DMD: variants seen among roughly 807,000 people sequenced by gnomAD.
The protein encoded by DMD is dystrophin.
A neutral mutation model predicts 330.1 loss-of-function variants in DMD; 63 were observed. That is an observed-to-expected ratio of 0.19 (90% CI 0.16 to 0.24). The LOEUF (loss-of-function observed/expected upper bound fraction) is 0.24. Ranked by LOEUF, DMD falls within the 10% of genes least tolerant of loss-of-function variation. The pLI, the probability that DMD is intolerant of heterozygous loss-of-function variation, is 1.00. For synonymous variants in DMD, 1,223 were observed against 959.8 expected (o/e 1.27, Z -5.07); for missense variants, 3,344 against 2,684.1 (o/e 1.25, Z -5.43).
At chrX:32,960,916 TAAA>T (rs59425093) in intron 2 of DMD, among the ~76,000 whole-genome samples, 5,321 of 68,617 alleles carry the variant, frequency 0.078, 338 homozygotes, top group African/African-American at 0.19. Flanking sequence ...GCACCATTTG[TAAA>T]AAAAAAAAAA....
intron 11 of DMD, among the ~76,000 whole-genome samples, chrX:32,626,429 A>G (rs1402388481): frequency 9.5e-6 from 1 of 105,201 alleles, no homozygotes; most frequent in African/African-American, 4.1e-5. Context: ...AGATCACACC[A>G]CTTCACTCCA....
intron 44 of DMD, among the ~76,000 whole-genome samples, chrX:32,053,994 C>T (rs1168706329): frequency 9.3e-6 from 1 of 107,161 alleles, no homozygotes; most frequent in African/African-American, 3.4e-5. Context: ...TTGATTTTGT[C>T]CATTAGACTT....
intron 20 of DMD, among the ~76,000 whole-genome samples, chrX:32,485,802 G>T: frequency 1.1e-5 from 1 of 89,933 alleles, no homozygotes; most frequent in African/African-American, 4.3e-5. Flanking sequence ...GGAGTGCAAT[G>T]ACGCGATCTT....
At chrX:32,781,147 A>C (rs1232502508) in intron 7 of DMD, among the ~76,000 whole-genome samples, 2 of 103,602 alleles carry the variant, frequency 1.9e-5, no homozygotes, top group Admixed American at 1.0e-4. Flanking sequence ...AAAAAAAGGC[A>C]CTCTTATGCT....
intron 44 of DMD, among the ~76,000 whole-genome samples, chrX:32,094,284 G>A (rs887247052): frequency 3.6e-5 from 4 of 111,818 alleles, no homozygotes; most frequent in Non-Finnish European, 7.5e-5. Flanking sequence ...ATGGCAATAA[G>A]AATTAGTGGC....
At chrX:31,182,678 G>C in intron 68 of DMD, 60 bp downstream of exon 68, 2 of 1,097,326 alleles carry the variant, frequency 1.8e-6, no homozygotes, top group Non-Finnish European at 2.5e-6. Flanking sequence ...AAAAGATCAA[G>C]TCATAAAAAG....
rs769462838 is a variant in DMD, at chrX:33,052,904, TATCA to T, written c.32-32708_32-32705del. ...GTGATAACTATGCATTGTATGTCTG[TATCA>T]AAATATCTCATGTGCTTCCAAATTA... On this transcript the variant is annotated intron_variant, in intron 1 of 78. Coordinates refer to ENST00000357033, the MANE Select transcript of DMD (RefSeq NM_004006.3). 6.6e-3 allele frequency among the ~76,000 whole-genome samples: 740 copies of T among 111,826 alleles called. 5 individuals carry two copies. Among genetic ancestry groups the T allele is most frequent in the African/African-American group, 0.02 (607 of 30,885 alleles).
At chrX:32,899,279 TTG>T (rs755168058) in intron 2 of DMD, among the ~76,000 whole-genome samples, 10 of 112,251 alleles carry the variant, frequency 8.9e-5, no homozygotes, top group East Asian at 8.4e-4. Flanking sequence ...GGTATTTTAA[TTG>T]TGGACTCCAT....
chrX:32,702,415 G>T (rs1419303758), intron 7 of DMD, among the ~76,000 whole-genome samples: 1 of 111,350 alleles, frequency 9.0e-6, no homozygotes, highest in Non-Finnish European at 1.9e-5. Context: ...AACATGCAGA[G>T]GTAGGGACAC....
At chrX:31,341,346 G>A (rs1245179521) in intron 61 of DMD, among the ~76,000 whole-genome samples, 1 of 111,814 alleles carries the variant, frequency 8.9e-6, no homozygotes, top group African/African-American at 3.3e-5. Context: ...GGGTGGAAAA[G>A]TGTGTCTTAC....
At position 32,969,717 on chromosome X, in the gene DMD, A is replaced by G. The variant is rs2092317971; in HGVS notation, c.93+50422T>C. 2.1e-5 allele frequency among the ~76,000 whole-genome samples: 2 copies of G among 94,901 alleles called. 1 individual carries two copies. The highest frequency in any genetic ancestry group is 9.5e-5 in the African/African-American group (2 of 21,078). 82.4% of individuals were successfully genotyped at this position (94,901 alleles called of 115,157 possible). A position where few individuals can be genotyped will look rare whatever the true frequency, so the allele number is the denominator to read the frequency against. On this transcript the variant is annotated intron_variant, in intron 2 of 78. Coordinates refer to ENST00000357033, the MANE Select transcript of DMD (RefSeq NM_004006.3). ...TATGTATGCATACATATGCACATAT[A>G]TATGTTCTACTTTTGTGCAATTAAT... is the stretch of plus-strand genomic sequence containing the variant.
Position 32,380,676 on chromosome X carries a change from G to A in DMD, c.4679C>T (p.Thr1560Ile), listed in dbSNP as rs2097921100. The change falls in exon 34 of 79, where the codon ACA becomes ATA. Residue 1560 changes from threonine to isoleucine, a missense_variant. Coordinates refer to ENST00000357033, the MANE Select transcript of DMD (RefSeq NM_004006.3). Reference sequence around the variant, plus strand: ...TTTCTCCAACTGTTGCTTTCTTTCTGTTACCTGAAAAGAATTATAATGAAA... The same window carrying A: ...TTTCTCCAACTGTTGCTTTCTTTCTATTACCTGAAAAGAATTATAATGAAA... ...LHYNELGAKV[T>I]ERKQQLEKCL... 1.7e-6 allele frequency: 2 copies of A among 1,201,649 alleles called. No homozygotes were observed. Among genetic ancestry groups the A allele is most frequent in the South Asian group, 1.8e-5 (1 of 56,581 alleles).
chrX:31,794,430 G>A (rs2091726029), intron 50 of DMD, among the ~76,000 whole-genome samples: 1 of 111,691 alleles, frequency 9.0e-6, no homozygotes, highest in Non-Finnish European at 1.9e-5. Context: ...AGCAGCTGAA[G>A]AATCTTTTAA....
At chrX:32,810,295 C>A (rs1402131457) in intron 6 of DMD, among the ~76,000 whole-genome samples, 1 of 111,853 alleles carries the variant, frequency 8.9e-6, no homozygotes, top group Admixed American at 9.5e-5. Flanking sequence ...GATTTCAATA[C>A]CAGCCATTTA....
At chrX:32,668,852 A>C (rs1390531173) in intron 9 of DMD, among the ~76,000 whole-genome samples, 1 of 110,869 alleles carries the variant, frequency 9.0e-6, no homozygotes, top group Admixed American at 9.7e-5. Flanking sequence ...CTTACTAAAA[A>C]TGGGAGTATG....
In DMD at chrX:32,843,896, G is replaced by C. The variant is rs754495640; in HGVS notation, c.264+887C>G. Among the ~76,000 whole-genome samples, 5 of 111,739 alleles carry C rather than the reference G, an allele frequency of 4.5e-5. No homozygotes were observed. The Admixed American group carries it at 4.7e-4, about 11-fold the overall frequency. ...GTTTACTTCTTCTAATGCAACACAC[G>C]TATTTTAATCCAGTTAAATCTAAAC... On this transcript the variant is annotated intron_variant, in intron 4 of 78. Coordinates refer to ENST00000357033, the MANE Select transcript of DMD (RefSeq NM_004006.3).
At chrX:32,127,763 A>C (rs1459430766) in intron 44 of DMD, among the ~76,000 whole-genome samples, 1 of 112,462 alleles carries the variant, frequency 8.9e-6, no homozygotes, top group Non-Finnish European at 1.9e-5. Context: ...TAAATCACCT[A>C]AATACTCAAA....
intron 47 of DMD, among the ~76,000 whole-genome samples, chrX:31,896,424 T>C (rs1160816529): frequency 8.9e-6 from 1 of 111,860 alleles, no homozygotes; most frequent in Non-Finnish European, 1.9e-5. Flanking sequence ...ATTGCAGAGA[T>C]GGTTCATTAT....
intron 1 of DMD, among the ~76,000 whole-genome samples, chrX:33,243,036 G>A (rs1245641315): frequency 9.0e-6 from 1 of 111,377 alleles, no homozygotes; most frequent in African/African-American, 3.3e-5. Flanking sequence ...ATTTTCTACC[G>A]CTCTGTGTGT....
Sources: allele counts gnomAD v4.1 joint callset (sites outside exome capture counted in the v4.1 genomes callset), GRCh38; gene constraint gnomAD v4.1.1; transcripts MANE v1.5; gene names NCBI Gene and HGNC (gene_info 2026-07-23, HGNC 2026-07-21).